Variants in LRFN5 observed in about 807,000 individuals in gnomAD.
The protein encoded by LRFN5 is leucine-rich repeat and fibronectin type-III domain-containing protein 5.
LRFN5 carries 24 observed loss-of-function variants against 45.6 expected under a neutral mutation model. The observed-to-expected ratio is 0.53, with a 90% CI of 0.38 to 0.74. The LOEUF (loss-of-function observed/expected upper bound fraction) is 0.74. LRFN5 is among the 30% of genes least tolerant of loss of function. The pLI is 0.00. For missense variants in LRFN5, 776 were observed against 861.5 expected (o/e 0.90, Z 1.24); for synonymous variants, 340 against 313.8 (o/e 1.08, Z -0.88).
intron 2 of LRFN5, among the ~76,000 whole-genome samples, chr14:41,796,651 C>A (rs1887142023): frequency 6.6e-6 from 1 of 151,850 alleles, no homozygotes; most frequent in Non-Finnish European, 1.5e-5. Flanking sequence ...CTTTATTAGG[C>A]ATTACTATAT....
At chr14:41,844,291 G>T (rs1382125330) in intron 2 of LRFN5, among the ~76,000 whole-genome samples, 1 of 151,910 alleles carries the variant, frequency 6.6e-6, no homozygotes, top group Non-Finnish European at 1.5e-5. Flanking sequence ...CAAAAAATTA[G>T]CCAGGCGTGG....
At chr14:41,676,422 G>A (rs1241563708) in intron 1 of LRFN5, among the ~76,000 whole-genome samples, 1 of 152,200 alleles carries the variant, frequency 6.6e-6, no homozygotes, top group Non-Finnish European at 1.5e-5. Context: ...AAAAGAGAGT[G>A]GAGAACTCCT....
chr14:41,849,248 G>T (rs995596734), intron 2 of LRFN5, among the ~76,000 whole-genome samples: 1 of 151,786 alleles, frequency 6.6e-6, no homozygotes, highest in African/African-American at 2.4e-5. Context: ...CAAAAATCTA[G>T]CTACTTATTT....
intron 1 of LRFN5, among the ~76,000 whole-genome samples, chr14:41,667,063 CA>C (rs979233615): frequency 4.6e-5 from 7 of 152,042 alleles, no homozygotes; most frequent in African/African-American, 1.7e-4. Flanking sequence ...ACAATTAGAG[CA>C]AAAGCTGTAT....
chr14:41,655,868 A>G (rs776061480), intron 1 of LRFN5, among the ~76,000 whole-genome samples: 27 of 152,058 alleles, frequency 1.8e-4, no homozygotes, highest in Admixed American at 5.2e-4. Context: ...AGATGATGAT[A>G]AGGATTACAT....
At chr14:41,777,501 TCTAA>T (rs1435668289) in intron 2 of LRFN5, among the ~76,000 whole-genome samples, 1 of 151,860 alleles carries the variant, frequency 6.6e-6, no homozygotes, top group Non-Finnish European at 1.5e-5. Context: ...CATTATCTCT[TCTAA>T]CTAACTATGC....
chr14:41,852,353 C>T (rs369641500), intron 2 of LRFN5, among the ~76,000 whole-genome samples: 56 of 151,810 alleles, frequency 3.7e-4, no homozygotes, highest in African/African-American at 8.7e-4. Flanking sequence ...AACATTAAAG[C>T]GAAATAATTG....
At chr14:41,812,613 A>G (rs1887774046) in intron 2 of LRFN5, among the ~76,000 whole-genome samples, 2 of 151,838 alleles carry the variant, frequency 1.3e-5, no homozygotes, top group African/African-American at 4.8e-5. Context: ...AAATATATAT[A>G]TATAAATTAT....
chr14:41,706,254 T>C (rs934831609), intron 1 of LRFN5, among the ~76,000 whole-genome samples: 3 of 151,918 alleles, frequency 2.0e-5, no homozygotes. Flanking sequence ...GCATGTGCCA[T>C]CACGACTGGC....
chr14:41,818,090 A>T (rs189386053), intron 2 of LRFN5, among the ~76,000 whole-genome samples: 90 of 152,240 alleles, frequency 5.9e-4, no homozygotes, highest in African/African-American at 2.1e-3. Context: ...TGGAAATGTT[A>T]AATTATTACT....
intron 1 of LRFN5, among the ~76,000 whole-genome samples, chr14:41,643,629 A>G (rs1879681064): frequency 6.6e-6 from 1 of 152,010 alleles, no homozygotes. Flanking sequence ...ATCATTTCAC[A>G]TTCATCTATA....
chr14:41,762,496 T>C (rs1193028647), intron 1 of LRFN5, among the ~76,000 whole-genome samples: 1 of 152,148 alleles, frequency 6.6e-6, no homozygotes, highest in Non-Finnish European at 1.5e-5. Context: ...AATCATTGCC[T>C]CTAATTTACT....
chr14:41,707,244 A>G (rs1021699315), intron 1 of LRFN5, among the ~76,000 whole-genome samples: 1 of 152,338 alleles, frequency 6.6e-6, no homozygotes, highest in African/African-American at 2.4e-5. Context: ...ATTCTCTGCC[A>G]TGCTTATCCT....
chr14:41,894,368 T>C, intron 4 of LRFN5: 1 of 861,214 alleles, frequency 1.2e-6, no homozygotes, highest in Non-Finnish European at 1.4e-6. Context: ...CATATGAGAT[T>C]TATTTTGTTT....
chr14:41,701,968 G>GT lies in LRFN5; in HGVS notation c.-196-64885dup, dbSNP rs1195423030. On this transcript the variant is annotated intron_variant, in intron 1 of 5. Transcript: ENST00000298119. Reference sequence around the variant, plus strand: ...CCATCCTAAAGTATGAGGAGCACTGGTAGGTAGTGCTTTGGGCTAAGCAGT... The same window carrying GT: ...CCATCCTAAAGTATGAGGAGCACTGGTTAGGTAGTGCTTTGGGCTAAGCAGT... Among the ~76,000 whole-genome samples the GT allele has an allele frequency of 2.6e-5, 4 of 152,212 alleles. No individual in the cohort carries two copies. The East Asian group carries it at 7.7e-4, about 29-fold the overall frequency.
At chr14:41,707,738 A>G (rs1435948676) in intron 1 of LRFN5, among the ~76,000 whole-genome samples, 1 of 152,076 alleles carries the variant, frequency 6.6e-6, no homozygotes, top group African/African-American at 2.4e-5. Context: ...ATGTTTGTAA[A>G]TAAAGTTTTA....
chr14:41,762,178 T>G (rs1885701463), intron 1 of LRFN5, among the ~76,000 whole-genome samples: 1 of 151,438 alleles, frequency 6.6e-6, no homozygotes, highest in South Asian at 2.1e-4. Flanking sequence ...TCTAGCTTAC[T>G]GAAATACAGT....
intron 1 of LRFN5, among the ~76,000 whole-genome samples, chr14:41,670,180 TTC>T (rs1358335280): frequency 7.4e-6 from 1 of 135,490 alleles, no homozygotes; most frequent in African/African-American, 2.7e-5. Context: ...TATATACACA[TTC>T]TCTATATATA....
chr14:41,829,461 A>T lies in LRFN5; in HGVS notation c.-20-57145A>T, dbSNP rs567282575. ...TTTATGATGAGATGAGCAATTTCAG[A>T]CAAATTGTCGACACTGTCTGGTGGT... On this transcript the variant is annotated intron_variant, in intron 2 of 5. Coordinates refer to ENST00000298119, the MANE Select transcript of LRFN5 (RefSeq NM_152447.5). 5.3e-5 allele frequency among the ~76,000 whole-genome samples: 8 copies of T among 152,066 alleles called. No individual in the cohort carries two copies. The East Asian group carries it at 1.5e-3, about 29-fold the overall frequency.
Sources: gnomAD v4.1 joint callset for allele counts (sites outside exome capture counted in the v4.1 genomes callset) on GRCh38, gnomAD v4.1.1 for gene constraint, MANE v1.5 for transcripts, NCBI Gene and HGNC (gene_info 2026-07-23, HGNC 2026-07-21) for gene names.